The following ZNF878 variants were observed in gnomAD, a reference collection of about 807,000 sequenced individuals.
The protein encoded by ZNF878 is zinc finger protein 878.
Under a neutral mutation model 11.1 loss-of-function variants are expected in ZNF878, and 10 were observed. That is an observed-to-expected ratio of 0.90 (90% CI 0.56 to 1.53). The LOEUF is 1.53. Ranked by LOEUF, ZNF878 falls within the 40% of genes most tolerant of loss-of-function variation. ZNF878 has a pLI of 0.00. For missense variants in ZNF878, 548 were observed against 626.1 expected, an observed-to-expected ratio of 0.88 and a Z score of 1.33; for synonymous variants, 165 against 209.7, an observed-to-expected ratio of 0.79 and a Z score of 1.84.
In ZNF878 at chr19:12,044,599, T is replaced by C. The variant is rs1975443991; in HGVS notation, c.802A>G (p.Ser268Gly). Reference protein sequence around the residue: ...KQCDKAFNCPSSFQYHERTHS... With the variant: ...KQCDKAFNCPGSFQYHERTHS... ...GTCCTTTCATGATATTGAAAGGAAC[T>C]GGGACAATTGAAGGCTTTATCACAT... Residue 268 changes from serine (S) to glycine (G), a missense_variant, in exon 4 of 4, where the codon AGT becomes GGT. Ser to Gly is a moderately conservative substitution (Grantham distance 56, BLOSUM62 0). Transcript: ENST00000547628. The C allele has an allele frequency of 1.2e-6, 2 of 1,614,154 alleles. No homozygotes were observed.
Position 12,045,066 on chromosome 19 carries a change from A to G in ZNF878, c.335T>C (p.Ile112Thr). Residue 112 changes from isoleucine to threonine, a missense_variant, in exon 4 of 4, where the codon ATA becomes ACA. Ile to Thr is a moderately conservative substitution (Grantham distance 89). This residue lies in a region of ZNF878 where 160 missense variants were observed against 173.3 expected (regional missense o/e 0.92). Coordinates refer to ENST00000547628, the MANE Select transcript of ZNF878 (RefSeq NM_001080404.3). ...GTGCCTATTAAGGGATGAAAGACCTATGCCGATTTCTCCACACACACTGCT... is the reference window on the plus strand; with the variant it reads ...GTGCCTATTAAGGGATGAAAGACCTGTGCCGATTTCTCCACACACACTGCT... ...YESSVCGEIG[I>T]GLSSLNRHLR... 3 of 1,613,994 alleles carry G rather than the reference A, an allele frequency of 1.9e-6. No individual in the cohort carries two copies. The South Asian group carries it at 3.3e-5, about 18-fold the overall frequency.
intron 1 of ZNF878, among the ~76,000 whole-genome samples, chr19:12,050,433 T>C (rs1975538897): frequency 6.6e-6 from 1 of 152,150 alleles, no homozygotes; most frequent in South Asian, 2.1e-4. Context: ...TAATCTCTGA[T>C]TACATAACCA....
At chr19:12,050,691 T>C (rs1210157657) in intron 1 of ZNF878, among the ~76,000 whole-genome samples, 1 of 152,224 alleles carries the variant, frequency 6.6e-6, no homozygotes, top group East Asian at 1.9e-4. Context: ...CTCTTAAGGA[T>C]TGATTTCATT....
At chr19:12,045,892 C>A (rs1019977808) in intron 3 of ZNF878, among the ~76,000 whole-genome samples, 2 of 151,602 alleles carry the variant, frequency 1.3e-5, no homozygotes, top group African/African-American at 2.4e-5. Flanking sequence ...GCTAATTTCT[C>A]GTATTTTTAG....
intron 1 of ZNF878, among the ~76,000 whole-genome samples, chr19:12,052,340 A>T (rs1975559739): frequency 6.6e-6 from 1 of 152,118 alleles, no homozygotes; most frequent in East Asian, 1.9e-4. Context: ...CAGGACTGGG[A>T]GTTTCTCATT....
intron 1 of ZNF878, among the ~76,000 whole-genome samples, chr19:12,047,381 T>C (rs1195252481): frequency 1.3e-5 from 2 of 151,468 alleles, no homozygotes; most frequent in Non-Finnish European, 2.9e-5. Flanking sequence ...CTGGCCAACA[T>C]GGCAAAACCC....
At position 12,043,992 on chromosome 19, in the gene ZNF878, T is replaced by G; in HGVS notation, c.1409A>C (p.Lys470Thr). 6.2e-7 allele frequency: 1 copy of G among 1,610,714 alleles called. No homozygotes were observed. ...FISSNSIRYH[K>T]RTHTGEKPYK... is the part of the protein sequence containing the mutation. ...GGGTTTCTCTCCAGTGTGAGTCCTT[T>G]TATGATAGCGAATAGAATTAGAAGA... Residue 470 changes from lysine to threonine, a missense_variant, in exon 4 of 4, where the codon AAA becomes ACA. Lys to Thr is a moderately conservative substitution (Grantham distance 78, BLOSUM62 -1). This residue lies in a region of ZNF878 where 335 missense variants were observed against 358.2 expected (regional missense o/e 0.94). Coordinates refer to ENST00000547628, the MANE Select transcript of ZNF878 (RefSeq NM_001080404.3).
chr19:12,045,258 T>G (rs1975462165), intron 3 of ZNF878, 49 bp from the exon 4 acceptor site: 1 of 1,425,418 alleles, frequency 7.0e-7, no homozygotes, highest in African/African-American at 1.4e-5. Context: ...TAATTTTAAT[T>G]CCTTTGCAAG....
At chr19:12,046,232 A>G in intron 3 of ZNF878, 136 bp downstream of exon 3, 1 of 669,056 alleles carries the variant, frequency 1.5e-6, no homozygotes, top group Non-Finnish European at 2.5e-6. Context: ...CACACTTTAT[A>G]TGTTTCTAGG....
Position 12,043,969 on chromosome 19 carries a change from G to A in ZNF878, c.1432C>T (p.Pro478Ser). The part of the protein sequence containing the change: ...YHKRTHTGEK[P>S]YKCKQCGKAF... ...TTCCCACACTGTTTACATTTATAGG[G>A]TTTCTCTCCAGTGTGAGTCCTTTTA... is the stretch of plus-strand genomic sequence containing the variant. Residue 478 changes from proline to serine, a missense_variant, in exon 4 of 4, where the codon CCC becomes TCC. Pro to Ser is a moderately conservative substitution (Grantham distance 74). Around this residue, in one of 3 missense-constraint regions of ZNF878, gnomAD observed 335 missense variants for 358.2 expected, o/e 0.94. Coordinates refer to ENST00000547628, the MANE Select transcript of ZNF878 (RefSeq NM_001080404.3). 6.2e-7 allele frequency: 1 copy of A among 1,610,784 alleles called. No individual in the cohort carries two copies. Among genetic ancestry groups the A allele is most frequent in the Non-Finnish European group, 8.5e-7 (1 of 1,177,714 alleles).
rs1420466275 is a variant in ZNF878 at position 12,044,507 on chromosome 19, C to T, written c.894G>A (p.Leu298=). Residue 298 remains leucine, a synonymous_variant, in exon 4 of 4, where the codon CTG becomes CTA. Transcript: ENST00000547628. ...CAGTGTGTTTTCTTTCATGTACTCG[C>T]AGGTACTTGACAGATCTGAAGGCTT... ...CRKAFRSVKY[L]RVHERKHTGE... is the part of the protein sequence containing the mutation. 6 of 1,612,544 alleles carry T rather than the reference C, an allele frequency of 3.7e-6. No homozygotes were observed. Among genetic ancestry groups the T allele is most frequent in the Non-Finnish European group, 5.1e-6 (6 of 1,179,630 alleles).
At chr19:12,047,811 G>C (rs1337053665) in intron 1 of ZNF878, among the ~76,000 whole-genome samples, 1 of 152,168 alleles carries the variant, frequency 6.6e-6, no homozygotes, top group Non-Finnish European at 1.5e-5. Context: ...ATAATCCCAA[G>C]TGTTGGTAAA....
chr19:12,049,047 G>C (rs964841665), intron 1 of ZNF878, among the ~76,000 whole-genome samples: 1 of 150,306 alleles, frequency 6.7e-6, no homozygotes, highest in African/African-American at 2.5e-5. Flanking sequence ...GGAAGCTAAG[G>C]CAGGAGAATC....
At chr19:12,049,460 CAAAAAAAA>C (rs59577895) in intron 1 of ZNF878, among the ~76,000 whole-genome samples, 4 of 36,036 alleles carry the variant, frequency 1.1e-4, no homozygotes, top group South Asian at 2.0e-3. Context: ...GACTCCCTCT[CAAAAAAAA>C]AAAAAAAAAA....
chr19:12,051,234 G>C (rs563880424), intron 1 of ZNF878, among the ~76,000 whole-genome samples: 18 of 150,912 alleles, frequency 1.2e-4, no homozygotes, highest in African/African-American at 4.4e-4. Context: ...GGAGGCGGAG[G>C]TTGCAGTGAG....
Position 12,044,179 on chromosome 19 carries a change from A to C in ZNF878, c.1222T>G (p.Ser408Ala), listed in dbSNP as rs1975431289. ...KQCGKAFRSA[S>A]VLQKHIRTHT... The stretch of plus-strand genomic sequence containing the variant: ...GTTCGTATGTGCTTTTGAAGGACTG[A>C]GGCAGATCTGAAGGCTTTCCCACAT... The change falls in exon 4 of 4, where the codon TCA (serine) becomes GCA (alanine). Residue 408 changes from serine to alanine, a missense_variant. By Grantham distance (99) the Ser-to-Ala change is moderately conservative. Transcript: ENST00000547628. The C allele has an allele frequency of 1.2e-6, 2 of 1,605,798 alleles. No individual in the cohort carries two copies. The highest frequency in any genetic ancestry group is 2.2e-5 in the South Asian group (2 of 90,744).
chr19:12,052,902 C>T lies in ZNF878; in HGVS notation c.-101G>A. 2 of 1,497,424 alleles carry T rather than the reference C, an allele frequency of 1.3e-6. No homozygotes were observed. The highest frequency in any genetic ancestry group is 2.4e-5 in the South Asian group (2 of 82,422). 92.8% of individuals were successfully genotyped at this position (1,497,424 alleles called of 1,614,324 possible). On this transcript the variant is annotated 5_prime_UTR_variant, in exon 1 of 4. Transcript: ENST00000547628. ...GCAACAGCAGCTACGGCGGAAGTAA[C>T]TGGTCCCTCTCGGAGCAAGAAAGCC...
intron 1 of ZNF878, among the ~76,000 whole-genome samples, chr19:12,052,134 T>C (rs1049283317): frequency 6.6e-6 from 1 of 152,156 alleles, no homozygotes; most frequent in African/African-American, 2.4e-5. Context: ...ACTTACACCT[T>C]CCCGGCACTG....
rs557475499 is a variant in ZNF878, at chr19:12,052,591, G to T, written c.3+208C>A. Among the ~76,000 whole-genome samples the T allele has an allele frequency of 2.8e-3, 430 of 152,294 alleles. 2 individuals are homozygous for T. The highest frequency in any genetic ancestry group is 9.7e-3 in the African/African-American group (404 of 41,578). ...CCGGGGCCGGGGCCGCAGTCGCCGC[G>T]CAGGGACCGGACAGGACGCCCGGGG... On this transcript the variant is annotated intron_variant, in intron 1 of 3. Transcript: ENST00000547628.
Sources: allele counts gnomAD v4.1 joint callset (sites outside exome capture counted in the v4.1 genomes callset), GRCh38; gene constraint gnomAD v4.1.1; regional missense constraint gnomAD v4.1.1; transcripts MANE v1.5; gene names NCBI Gene and HGNC (gene_info 2026-07-23, HGNC 2026-07-21).